PTPRM: variants seen among roughly 807,000 people sequenced by gnomAD.
PTPRM encodes protein tyrosine phosphatase receptor type M.
A neutral mutation model predicts 186.7 loss-of-function variants in PTPRM; 47 were observed. That is an observed-to-expected ratio of 0.25 (90% CI 0.20 to 0.32). The LOEUF (loss-of-function observed/expected upper bound fraction) is 0.32. Ranked by LOEUF, PTPRM falls within the 10% of genes least tolerant of loss-of-function variation. PTPRM has a pLI of 1.00. For missense variants in PTPRM, 1,494 were observed against 1,865.0 expected, an observed-to-expected ratio of 0.80 and a Z score of 3.66; for synonymous variants, 668 against 674.9, an observed-to-expected ratio of 0.99 and a Z score of 0.16.
At chr18:7,872,442 C>T (rs776761995) in intron 2 of PTPRM, among the ~76,000 whole-genome samples, 2 of 152,110 alleles carry the variant, frequency 1.3e-5, no homozygotes, top group East Asian at 1.9e-4. Context: ...TGCTATTCTA[C>T]CCAGTGTGTT....
intron 1 of PTPRM, among the ~76,000 whole-genome samples, chr18:7,621,782 C>G (rs188619732): frequency 2.0e-5 from 3 of 152,262 alleles, no homozygotes; most frequent in Admixed American, 2.0e-4. Context: ...CCCTCCATGT[C>G]TTTTTGTGGC....
chr18:7,707,837 C>T (rs561587891), intron 1 of PTPRM, among the ~76,000 whole-genome samples: 1 of 152,178 alleles, frequency 6.6e-6, no homozygotes, highest in African/African-American at 2.4e-5. Context: ...TCCTTGAGTT[C>T]AGTTTTTTCT....
At chr18:8,072,074 G>A (rs1034451068) in intron 8 of PTPRM, among the ~76,000 whole-genome samples, 36 of 151,858 alleles carry the variant, frequency 2.4e-4, no homozygotes, top group Non-Finnish European at 2.1e-4. Context: ...TCTTTTTATT[G>A]TAAACTACTT....
chr18:8,054,054 G>GTATA (rs2087710662), intron 7 of PTPRM, among the ~76,000 whole-genome samples: 1 of 151,782 alleles, frequency 6.6e-6, no homozygotes, highest in South Asian at 2.1e-4. Context: ...CTGTCACATT[G>GTATA]TCTGTGTATA....
At chr18:8,367,436 C>T (rs1276147392) in intron 23 of PTPRM, among the ~76,000 whole-genome samples, 2 of 152,266 alleles carry the variant, frequency 1.3e-5, no homozygotes, top group African/African-American at 4.8e-5. Flanking sequence ...GCGAAGTCAG[C>T]ACCGTGCCGA....
chr18:8,002,487 C>T (rs1435355032), intron 7 of PTPRM, among the ~76,000 whole-genome samples: 3 of 152,150 alleles, frequency 2.0e-5, no homozygotes, highest in Admixed American at 6.6e-5. Flanking sequence ...TATGAGAATG[C>T]AGAATGTTGG....
intron 1 of PTPRM, among the ~76,000 whole-genome samples, chr18:7,572,654 C>A (rs2036591541): frequency 1.3e-5 from 2 of 152,134 alleles, no homozygotes; most frequent in Admixed American, 1.3e-4. Flanking sequence ...TGCTTTTCAA[C>A]AGTGAAACAT....
At chr18:8,104,670 A>G (rs1163203489) in intron 11 of PTPRM, among the ~76,000 whole-genome samples, 1 of 151,796 alleles carries the variant, frequency 6.6e-6, no homozygotes, top group Non-Finnish European at 1.5e-5. Flanking sequence ...TTGGTCTCAA[A>G]CTCCTGGGCC....
chr18:8,123,664 C>A (rs912389278), intron 13 of PTPRM, among the ~76,000 whole-genome samples: 5 of 152,096 alleles, frequency 3.3e-5, no homozygotes, highest in Non-Finnish European at 7.4e-5. Flanking sequence ...GTGTTCTTCC[C>A]ACAAGTAAAA....
chr18:7,875,678 A>G (rs1269980117), intron 2 of PTPRM, among the ~76,000 whole-genome samples: 1 of 152,068 alleles, frequency 6.6e-6, no homozygotes, highest in Non-Finnish European at 1.5e-5. Flanking sequence ...CTCTTTTTTC[A>G]GCAAATTTGT....
intron 7 of PTPRM, among the ~76,000 whole-genome samples, chr18:7,964,751 T>G (rs1568089300): frequency 6.6e-6 from 1 of 152,206 alleles, no homozygotes; most frequent in Non-Finnish European, 1.5e-5. Flanking sequence ...AATATGTATG[T>G]ATCTTCAAGG....
chr18:7,878,927 A>G (rs925183100), intron 2 of PTPRM, among the ~76,000 whole-genome samples: 3 of 152,180 alleles, frequency 2.0e-5, no homozygotes, highest in African/African-American at 7.2e-5. Context: ...GAACGTTCTA[A>G]ATAGTCAACC....
intron 2 of PTPRM, chr18:7,815,280 T>G (rs1226886779): frequency 6.6e-6 from 1 of 152,234 alleles, no homozygotes; most frequent in Non-Finnish European, 1.5e-5. Flanking sequence ...GATTTGAGAC[T>G]GATCTCCCAT....
chr18:7,657,967 C>T (rs946733814), intron 1 of PTPRM, among the ~76,000 whole-genome samples: 4 of 152,170 alleles, frequency 2.6e-5, no homozygotes, highest in African/African-American at 9.6e-5. Context: ...CATGATGTTT[C>T]GATACATATA....
intron 1 of PTPRM, among the ~76,000 whole-genome samples, chr18:7,624,054 C>T (rs1248249385): frequency 3.3e-5 from 5 of 152,238 alleles, no homozygotes; most frequent in Admixed American, 6.5e-5. Flanking sequence ...CTGGATCAGG[C>T]GGTGTATACT....
intron 1 of PTPRM, among the ~76,000 whole-genome samples, chr18:7,718,140 G>A (rs1011080822): frequency 3.3e-5 from 5 of 152,110 alleles, no homozygotes; most frequent in Admixed American, 3.3e-4. Flanking sequence ...AAATCTGGAG[G>A]CATCACATTA....
At chr18:8,148,653 A>C (rs1025482865) in intron 14 of PTPRM, among the ~76,000 whole-genome samples, 5 of 151,946 alleles carry the variant, frequency 3.3e-5, no homozygotes, top group African/African-American at 1.2e-4. Context: ...TATGTCCTTC[A>C]GTTCTGCTCT....
intron 22 of PTPRM, among the ~76,000 whole-genome samples, chr18:8,334,723 C>T (rs1301569392): frequency 1.3e-5 from 2 of 152,158 alleles, no homozygotes; most frequent in Non-Finnish European, 2.9e-5. Context: ...CAACATATTC[C>T]TGTTTCTTAG....
intron 1 of PTPRM, among the ~76,000 whole-genome samples, chr18:7,720,727 A>G (rs1467066052): frequency 6.6e-6 from 1 of 152,134 alleles, no homozygotes; most frequent in Non-Finnish European, 1.5e-5. Context: ...AGAATCATAC[A>G]ATATTTATCT....
Sources: allele counts gnomAD v4.1 joint callset (sites outside exome capture counted in the v4.1 genomes callset), GRCh38; gene constraint gnomAD v4.1.1; transcripts MANE v1.5; gene names NCBI Gene and HGNC (gene_info 2026-07-23, HGNC 2026-07-21).